Variants in TBC1D22A observed in about 807,000 individuals in gnomAD.
TBC1D22A encodes TBC1 domain family member 22A, also known as putative GTPase activator.
TBC1D22A carries 38 observed loss-of-function variants against 60.2 expected under a neutral mutation model. The ratio of observed to expected loss-of-function variants is 0.63; its 90% confidence interval spans 0.49 to 0.83. The LOEUF (loss-of-function observed/expected upper bound fraction) is 0.83, where lower values mean the gene tolerates loss of function less well. Among genes scored for constraint, TBC1D22A ranks in the 40% least tolerant of loss-of-function variants. The probability of loss-of-function intolerance (pLI) is 0.00; values close to 1 mark genes in which losing one functional copy is unlikely to be tolerated. For missense variants in TBC1D22A, 628 were observed against 701.0 expected (o/e 0.90, Z 1.18); for synonymous variants, 302 against 281.7 (o/e 1.07, Z -0.72).
At chr22:46,775,318 G>T (rs957510934) in intron 1 of TBC1D22A, among the ~76,000 whole-genome samples, 3 of 152,256 alleles carry the variant, frequency 2.0e-5, no homozygotes, top group African/African-American at 7.2e-5. Context: ...GGGGTCGGGA[G>T]TCAAGAGGAG....
intron 7 of TBC1D22A, among the ~76,000 whole-genome samples, chr22:46,904,134 T>TCTGCCTACCTAC (rs1422224513): frequency 2.3e-4 from 15 of 66,506 alleles, no homozygotes; most frequent in African/African-American, 9.6e-4. Flanking sequence ...TATCTATCTA[T>TCTGCCTACCTAC]CTATCTATCT....
chr22:47,061,558 C>T (rs1426131395), intron 11 of TBC1D22A, among the ~76,000 whole-genome samples: 3 of 152,150 alleles, frequency 2.0e-5, no homozygotes, highest in Non-Finnish European at 2.9e-5. Context: ...GCAGCTTCCC[C>T]ACACAGTCCT....
chr22:46,927,910 GA>G (rs1194215232), intron 8 of TBC1D22A, among the ~76,000 whole-genome samples: 2 of 152,156 alleles, frequency 1.3e-5, no homozygotes, highest in African/African-American at 4.8e-5. Flanking sequence ...AAATATTGTT[GA>G]AATAAATTAA....
intron 4 of TBC1D22A, among the ~76,000 whole-genome samples, chr22:46,857,805 C>T (rs902438002): frequency 6.6e-5 from 10 of 152,254 alleles, no homozygotes; most frequent in African/African-American, 1.4e-4. Context: ...GGTTGGAGCA[C>T]GCCTGCTTCA....
chr22:46,967,826 A>C (rs2073876682), intron 8 of TBC1D22A, among the ~76,000 whole-genome samples: 1 of 151,606 alleles, frequency 6.6e-6, no homozygotes, highest in African/African-American at 2.4e-5. Flanking sequence ...ACAAGCTATG[A>C]TTCCAGTGCA....
intron 11 of TBC1D22A, among the ~76,000 whole-genome samples, chr22:47,078,512 A>G (rs539923594): frequency 6.6e-6 from 1 of 152,182 alleles, no homozygotes; most frequent in Admixed American, 6.5e-5. Context: ...ACTTCATGAG[A>G]CCATTGTGAG....
chr22:46,888,515 C>T (rs1256761717), intron 5 of TBC1D22A, among the ~76,000 whole-genome samples: 1 of 152,148 alleles, frequency 6.6e-6, no homozygotes, highest in African/African-American at 2.4e-5. Flanking sequence ...CCATGAGGGC[C>T]TGGTCCTGAG....
intron 4 of TBC1D22A, among the ~76,000 whole-genome samples, chr22:46,852,811 AGG>A (rs1166134190): frequency 1.3e-5 from 2 of 152,284 alleles, no homozygotes; most frequent in East Asian, 3.9e-4. Context: ...GAGCTCCTCT[AGG>A]GAGAGCTGCG....
intron 12 of TBC1D22A, among the ~76,000 whole-genome samples, chr22:47,122,158 G>C (rs2147760103): frequency 6.6e-6 from 1 of 152,330 alleles, no homozygotes; most frequent in Non-Finnish European, 1.5e-5. Flanking sequence ...GAGGAGCTGG[G>C]GATGAGAGTG....
chr22:46,889,500 A>G (rs12170279), intron 5 of TBC1D22A, among the ~76,000 whole-genome samples: 8,818 of 152,206 alleles, frequency 0.058, 789 homozygotes, highest in African/African-American at 0.2. Context: ...TGGCCCAGTA[A>G]CTCGACTCCT....
At chr22:47,126,424 G>C (rs1244594261) in intron 12 of TBC1D22A, among the ~76,000 whole-genome samples, 2 of 152,214 alleles carry the variant, frequency 1.3e-5, no homozygotes, top group African/African-American at 4.8e-5. Context: ...TTGTAACTGG[G>C]TGGAGGCCAG....
chr22:47,133,146 G>A (rs1302248344), intron 12 of TBC1D22A, among the ~76,000 whole-genome samples: 3 of 152,230 alleles, frequency 2.0e-5, no homozygotes, highest in Non-Finnish European at 4.4e-5. Flanking sequence ...TATAAACTTT[G>A]GCATTTGAGC....
chr22:47,060,221 C>T (rs1466374927), intron 11 of TBC1D22A, among the ~76,000 whole-genome samples: 1 of 151,338 alleles, frequency 6.6e-6, no homozygotes, highest in African/African-American at 2.4e-5. Flanking sequence ...TCTGCGGCCC[C>T]TGCTAAGGGT....
chr22:47,174,785 G>C lies in TBC1D22A; in HGVS notation c.*1159G>C, dbSNP rs1408727506. On this transcript the variant is annotated 3_prime_UTR_variant, in exon 13 of 13. Transcript: ENST00000337137. The stretch of plus-strand genomic sequence containing the variant: ...CTGGTTCTGCCCTGGACTGGTTCCC[G>C]CTGTGGACTGGTTCCTTGGGGCTCT... The C allele has an allele frequency of 6.8e-6, 1 of 147,290 alleles. No individual in the cohort carries two copies. 9.1% of individuals were successfully genotyped at this position (147,290 alleles called of 1,614,324 possible).
chr22:47,029,159 CG>C (rs1350140747), intron 10 of TBC1D22A, among the ~76,000 whole-genome samples: 1 of 152,094 alleles, frequency 6.6e-6, no homozygotes, highest in East Asian at 1.9e-4. Flanking sequence ...GCAAGAGTCC[CG>C]GGGATGCAAA....
intron 8 of TBC1D22A, among the ~76,000 whole-genome samples, chr22:46,940,192 A>G (rs1445028882): frequency 6.6e-6 from 1 of 152,242 alleles, no homozygotes; most frequent in Admixed American, 6.5e-5. Context: ...AAATGCTGAC[A>G]CAAAGACACA....
At chr22:46,903,411 A>C (rs935084809) in intron 7 of TBC1D22A, among the ~76,000 whole-genome samples, 2 of 152,208 alleles carry the variant, frequency 1.3e-5, no homozygotes, top group Non-Finnish European at 2.9e-5. Flanking sequence ...CCGGCTGGCT[A>C]GGCCTCTTCT....
intron 1 of TBC1D22A, among the ~76,000 whole-genome samples, chr22:46,776,793 AAAG>A (rs1244137788): frequency 1.3e-5 from 2 of 152,060 alleles, no homozygotes; most frequent in African/African-American, 4.8e-5. Flanking sequence ...AGGTGGGAAA[AAAG>A]AGCCCTCCCG....
chr22:46,912,084 G>A lies in TBC1D22A; in HGVS notation c.911G>A (p.Arg304Lys). 6.2e-7 allele frequency: 1 copy of A among 1,610,474 alleles called. No homozygotes were observed. The highest frequency in any genetic ancestry group is 8.5e-7 in the Non-Finnish European group (1 of 1,178,736). ...LQPKVTEIFERILFIWAIRHP... is the reference protein window; with the variant it reads ...LQPKVTEIFEKILFIWAIRHP... ...TCCATTTTCTTTCAGATTTTTGAAA[G>A]GATCTTGTTCATATGGGCGATCCGC... The change falls in exon 8 of 13, where the codon AGG becomes AAG. Residue 304 changes from arginine (R) to lysine (K), a missense_variant. Physicochemically the swap from Arg to Lys is conservative, Grantham distance 26. Transcript: ENST00000337137.
Sources: gnomAD v4.1 joint callset for allele counts (sites outside exome capture counted in the v4.1 genomes callset) on GRCh38, gnomAD v4.1.1 for gene constraint, MANE v1.5 for transcripts, NCBI Gene and HGNC (gene_info 2026-07-23, HGNC 2026-07-21) for gene names.